RBFOX1: variants seen among roughly 807,000 people sequenced by gnomAD.
RBFOX1 encodes RNA binding fox-1 homolog 1.
In RBFOX1, 8 loss-of-function variants were observed where a neutral mutation model predicts 57.7. That is an observed-to-expected ratio of 0.14 (90% CI 0.08 to 0.25). The LOEUF (loss-of-function observed/expected upper bound fraction) is 0.25, where lower values mean the gene tolerates loss of function less well. Ranked by LOEUF, RBFOX1 falls within the 10% of genes least tolerant of loss-of-function variation. The probability of loss-of-function intolerance (pLI) is 1.00; values close to 1 mark genes in which losing one functional copy is unlikely to be tolerated. For missense variants in RBFOX1, 611 were observed against 548.5 expected, an observed-to-expected ratio of 1.11 and a Z score of -1.14; for synonymous variants, 326 against 222.4, an observed-to-expected ratio of 1.47 and a Z score of -4.15.
chr16:7,160,585 A>G (rs1473556595), intron 4 of RBFOX1, among the ~76,000 whole-genome samples: 1 of 152,138 alleles, frequency 6.6e-6, no homozygotes, highest in East Asian at 1.9e-4. Context: ...GTTAGCTGAA[A>G]AGTCGTAATA....
chr16:5,774,442 C>A (rs868522818), intron 3 of RBFOX1, among the ~76,000 whole-genome samples: 2 of 152,234 alleles, frequency 1.3e-5, no homozygotes, highest in Non-Finnish European at 2.9e-5. Flanking sequence ...TTTAAACACA[C>A]AGGTAATGTC....
chr16:5,907,785 C>G (rs1597734354), intron 4 of RBFOX1, among the ~76,000 whole-genome samples: 1 of 151,760 alleles, frequency 6.6e-6, no homozygotes, highest in South Asian at 2.1e-4. Context: ...CATCTTTTCT[C>G]TATTGCCCAG....
At chr16:5,812,989 A>C (rs1459290806) in intron 3 of RBFOX1, among the ~76,000 whole-genome samples, 3 of 150,630 alleles carry the variant, frequency 2.0e-5, no homozygotes, top group Admixed American at 2.0e-4. Flanking sequence ...ACATAACATA[A>C]AGTCTATCCC....
intron 4 of RBFOX1, among the ~76,000 whole-genome samples, chr16:7,446,207 T>A (rs1211387653): frequency 1.3e-5 from 2 of 152,184 alleles, no homozygotes; most frequent in Non-Finnish European, 2.9e-5. Flanking sequence ...TCCTGGTTAT[T>A]AAAGTTGGCT....
intron 3 of RBFOX1, among the ~76,000 whole-genome samples, chr16:5,854,136 A>G (rs1244318175): frequency 6.6e-6 from 1 of 152,226 alleles, no homozygotes; most frequent in East Asian, 1.9e-4. Flanking sequence ...ACCACAATCA[A>G]GCTAATGATC....
intron 2 of RBFOX1, among the ~76,000 whole-genome samples, chr16:6,388,679 G>A (rs1185576453): frequency 6.6e-6 from 1 of 152,156 alleles, no homozygotes; most frequent in Non-Finnish European, 1.5e-5. Flanking sequence ...GTTTGAGGCT[G>A]CAGGGAGCTA....
chr16:5,297,253 G>C (rs1052765662), intron 1 of RBFOX1, among the ~76,000 whole-genome samples: 2 of 152,192 alleles, frequency 1.3e-5, no homozygotes, highest in Non-Finnish European at 2.9e-5. Flanking sequence ...ACTGACTTCA[G>C]CTTCTTCACC....
intron 1 of RBFOX1, among the ~76,000 whole-genome samples, chr16:6,281,320 G>A (rs2076356310): frequency 6.6e-6 from 1 of 152,132 alleles, no homozygotes; most frequent in African/African-American, 2.4e-5. Context: ...AGAGGAGGAA[G>A]ATGCATCTCA....
rs1321373979 is a variant in RBFOX1, at chr16:6,235,473, T to C, written c.-126-81522T>C. Reference sequence around the variant, plus strand: ...CACATGCCTGTCTATAGCAGCACAATTTGCAATTGCAAAAATATAGAACCA... The same window carrying C: ...CACATGCCTGTCTATAGCAGCACAACTTGCAATTGCAAAAATATAGAACCA... On this transcript the variant is annotated intron_variant, in intron 1 of 15. Transcript: ENST00000550418. 3.9e-5 allele frequency among the ~76,000 whole-genome samples: 6 copies of C among 152,136 alleles called. No individual in the cohort carries two copies. In the East Asian group the frequency reaches 1.2e-3, roughly 29 times the overall value.
chr16:7,304,174 G>T lies in RBFOX1; in HGVS notation c.28-213973G>T, dbSNP rs1230713916. The T allele has an allele frequency of 1.3e-5, 13 of 976,592 alleles. No homozygotes were observed. The Admixed American group carries it at 1.9e-4, about 14-fold the overall frequency. 60.5% of individuals were successfully genotyped at this position (976,592 alleles called of 1,614,324 possible). ...AGGGACCGGCGGGGTGCGGTGGGGG[G>T]AGGGAGGAGGAAAGAGGGGGAGAGA... is the stretch of plus-strand genomic sequence containing the variant. On this transcript the variant is annotated intron_variant, in intron 4 of 15. Transcript: ENST00000550418.
intron 3 of RBFOX1, among the ~76,000 whole-genome samples, chr16:6,822,416 C>T (rs2091461634): frequency 6.6e-6 from 1 of 152,148 alleles, no homozygotes; most frequent in African/African-American, 2.4e-5. Context: ...TTTTAAAAGC[C>T]ACTGCAAACT....
At chr16:5,517,755 T>C (rs904867051) in intron 2 of RBFOX1, among the ~76,000 whole-genome samples, 1 of 152,182 alleles carries the variant, frequency 6.6e-6, no homozygotes, top group African/African-American at 2.4e-5. Context: ...TCACTTCACA[T>C]TGTAATTCAT....
chr16:7,449,485 T>C (rs1036049558), intron 4 of RBFOX1, among the ~76,000 whole-genome samples: 4 of 152,174 alleles, frequency 2.6e-5, no homozygotes, highest in African/African-American at 9.7e-5. Context: ...AACGCGCCCC[T>C]TGCCAACATG....
At chr16:6,388,541 GAT>G (rs201856176) in intron 2 of RBFOX1, among the ~76,000 whole-genome samples, 1 of 150,266 alleles carries the variant, frequency 6.7e-6, no homozygotes, top group Admixed American at 6.6e-5. Context: ...TTTGTCGTGT[GAT>G]ATATATATAT....
intron 3 of RBFOX1, among the ~76,000 whole-genome samples, chr16:5,687,384 TG>T (rs1555501412): frequency 6.6e-6 from 1 of 152,134 alleles, no homozygotes; most frequent in Non-Finnish European, 1.5e-5. Context: ...TAGCCAACTT[TG>T]GGCCCGTCCT....
At chr16:6,505,667 A>C (rs565691119) in intron 2 of RBFOX1, among the ~76,000 whole-genome samples, 1 of 152,306 alleles carries the variant, frequency 6.6e-6, no homozygotes, top group African/African-American at 2.4e-5. Flanking sequence ...GGACAGAGAA[A>C]ACAGATGTAC....
intron 2 of RBFOX1, among the ~76,000 whole-genome samples, chr16:5,552,729 G>C (rs1259354333): frequency 6.6e-6 from 1 of 152,174 alleles, no homozygotes; most frequent in Admixed American, 6.5e-5. Flanking sequence ...AAGATCCCAT[G>C]ACCCAGTGGT....
At chr16:7,216,603 A>C (rs2092088222) in intron 4 of RBFOX1, among the ~76,000 whole-genome samples, 1 of 152,176 alleles carries the variant, frequency 6.6e-6, no homozygotes, top group African/African-American at 2.4e-5. Context: ...GGTTGCAGTG[A>C]GCCCAGATCG....
chr16:6,586,948 G>A (rs2097633095), intron 2 of RBFOX1, among the ~76,000 whole-genome samples: 3 of 152,096 alleles, frequency 2.0e-5, no homozygotes, highest in Admixed American at 1.3e-4. Flanking sequence ...TATATATATT[G>A]TGGAATGCTT....
Sources: allele counts gnomAD v4.1 joint callset (sites outside exome capture counted in the v4.1 genomes callset), GRCh38; gene constraint gnomAD v4.1.1; transcripts MANE v1.5; gene names NCBI Gene and HGNC (gene_info 2026-07-23, HGNC 2026-07-21).